AKAP8L: variants seen among roughly 807,000 people sequenced by gnomAD.
AKAP8L encodes the protein A-kinase anchor protein 8-like.
Under a neutral mutation model 77.5 loss-of-function variants are expected in AKAP8L, and 34 were observed. The observed-to-expected ratio is 0.44, with a 90% confidence interval of 0.33 to 0.58. AKAP8L has a LOEUF of 0.58. Among genes scored for constraint, AKAP8L ranks in the 20% least tolerant of loss-of-function variants. The pLI is 0.02. For synonymous variants in AKAP8L, 342 were observed against 340.7 expected, an observed-to-expected ratio of 1.00 and a Z score of -0.04; for missense variants, 806 against 887.6, an observed-to-expected ratio of 0.91 and a Z score of 1.17.
chr19:15,410,430 T>C (rs1323986826), intron 2 of AKAP8L, 90 bp downstream of exon 2: 1 of 1,130,352 alleles, frequency 8.8e-7, no homozygotes, highest in African/African-American at 1.6e-5. Flanking sequence ...TAAAAAAGCA[T>C]GACAGGGTGA....
chr19:15,410,376 ACTAG>A, intron 2 of AKAP8L, 140 bp downstream of exon 2: 1 of 663,872 alleles, frequency 1.5e-6, no homozygotes, highest in Non-Finnish European at 2.6e-6. Context: ...AAAGGGAAGC[ACTAG>A]CTATTCAAAT....
chr19:15,405,305 G>A (rs1305579763), intron 2 of AKAP8L, among the ~76,000 whole-genome samples: 1 of 152,182 alleles, frequency 6.6e-6, no homozygotes, highest in Non-Finnish European at 1.5e-5. Flanking sequence ...AGGTCGAGGC[G>A]GGCGGATCAC....
intron 12 of AKAP8L, among the ~76,000 whole-genome samples, chr19:15,390,057 A>T (rs568726893): frequency 2.6e-5 from 4 of 151,870 alleles, no homozygotes. Flanking sequence ...TTAAAAAAAA[A>T]CCCCAGACTA....
In AKAP8L at chr19:15,397,312, C is replaced by T. The variant is rs765833078; in HGVS notation, c.1406-32G>A. 3 of 1,612,724 alleles carry T rather than the reference C, an allele frequency of 1.9e-6. No individual in the cohort carries two copies. Among genetic ancestry groups the T allele is most frequent in the Non-Finnish European group, 2.5e-6 (3 of 1,179,262 alleles). ...TGGGGAGGAGGGAGTCACCACTGGGCCCAGGTGCCTAAGATAGACCCAGGT... is the reference window on the plus strand; with the variant it reads ...TGGGGAGGAGGGAGTCACCACTGGGTCCAGGTGCCTAAGATAGACCCAGGT... On this transcript the variant is annotated intron_variant, in intron 11 of 13. Transcript: ENST00000397410. This position sits in a 1 kb window ranked among gnomAD's most constrained non-coding sequence, Gnocchi z 4.7.
chr19:15,401,904 C>T lies in AKAP8L; in HGVS notation c.363-301G>A, dbSNP rs1441015165. 1.3e-5 allele frequency among the ~76,000 whole-genome samples: 2 copies of T among 152,208 alleles called. No individual in the cohort carries two copies. The highest frequency in any genetic ancestry group is 3.9e-4 in the East Asian group (2 of 5,184). The stretch of plus-strand genomic sequence containing the variant: ...AACAAGGGGCAGAGCTGCTCCACAG[C>T]CCTTTGGGAACATGTACACCATCTG... On this transcript the variant is annotated intron_variant, in intron 4 of 13. Coordinates refer to ENST00000397410, the MANE Select transcript of AKAP8L (RefSeq NM_014371.4). The surrounding 1 kb of genome is among the most constrained non-coding windows in gnomAD (Gnocchi z 6.2).
At position 15,397,016 on chromosome 19, in the gene AKAP8L, A is replaced by ATTT; in HGVS notation, c.1536+133_1536+134insAAA. ...AGCTGTGCTGCCTGCACTGAGCTGG[A>ATTT]AATGTCCATATCCACCTCCTCCTGC... On this transcript the variant is annotated intron_variant, in intron 12 of 13. Coordinates refer to ENST00000397410, the MANE Select transcript of AKAP8L (RefSeq NM_014371.4). This position sits in a 1 kb window ranked among gnomAD's most constrained non-coding sequence, Gnocchi z 4.7. The ATTT allele has an allele frequency of 3.9e-6, 5 of 1,273,534 alleles. No homozygotes were observed. Among genetic ancestry groups the ATTT allele is most frequent in the Non-Finnish European group, 2.2e-6 (2 of 907,818 alleles). 78.9% of individuals were successfully genotyped at this position (1,273,534 alleles called of 1,614,324 possible). A position where few individuals can be genotyped will look rare whatever the true frequency, so the allele number is the denominator to read the frequency against.
intron 12 of AKAP8L, 67 bp from the exon 13 acceptor site, chr19:15,380,679 TGCCAGCTTAGAGGGACCCCA>T: frequency 6.6e-7 from 1 of 1,525,354 alleles, no homozygotes; most frequent in South Asian, 1.1e-5. Flanking sequence ...GCCCCGACCC[TGCCAGCTTAGAGGGACCCCA>T]CCCCGCCCCT....
chr19:15,389,551 T>C (rs1200686518), intron 12 of AKAP8L, among the ~76,000 whole-genome samples: 1 of 152,004 alleles, frequency 6.6e-6, no homozygotes, highest in East Asian at 1.9e-4. Flanking sequence ...GGCGGGCAGA[T>C]CACGAGGTCA....
rs777632092 is a variant in AKAP8L at position 15,401,274 on chromosome 19, C to A, written c.692G>T (p.Gly231Val). ...LFSQNIIPEY[G>V]MFQGMRGGGA... ...CCCACCTCGCATGCCCTGGAACATG[C>A]CGTACTCGGGGATGATGTTCTGGGA... Residue 231 changes from glycine to valine, a missense_variant, in exon 5 of 14, where the codon GGC (glycine) becomes GTC (valine). This residue lies in a region of AKAP8L where 580 missense variants were observed against 694.1 expected (regional missense o/e 0.84). Transcript: ENST00000397410. The surrounding 1 kb of genome is among the most constrained non-coding windows in gnomAD (Gnocchi z 6.2). 6.2e-7 allele frequency: 1 copy of A among 1,613,816 alleles called. No homozygotes were observed. The highest frequency in any genetic ancestry group is 1.1e-5 in the South Asian group (1 of 91,090).
chr19:15,394,333 T>A (rs1303319952), intron 12 of AKAP8L, among the ~76,000 whole-genome samples: 1 of 152,132 alleles, frequency 6.6e-6, no homozygotes, highest in Non-Finnish European at 1.5e-5. Context: ...GACCACATAT[T>A]ATGTGATTCT....
chr19:15,393,649 G>A lies in AKAP8L; in HGVS notation c.1536+3501C>T, dbSNP rs182148255. On this transcript the variant is annotated intron_variant, in intron 12 of 13. Transcript: ENST00000397410. ...CAAAAAGTCAGAAAATGCCGGGCGC[G>A]GTGGCTCATGCCTGTAATCCCACCA... 5.4e-4 allele frequency among the ~76,000 whole-genome samples: 82 copies of A among 152,212 alleles called. 1 individual carries two copies. The East Asian group carries it at 0.014, about 25-fold the overall frequency.
chr19:15,397,556 T>C lies in AKAP8L; in HGVS notation c.1369A>G (p.Ile457Val). ...RKTVEDLDGL[I>V]QQIYRDQDLT... is the part of the protein sequence containing the mutation. Reference sequence around the variant, plus strand: ...TCCTGGTCTCTGTAGATTTGCTGGATGAGGCCATCAAGGTCCTCCACGGTT... The same window carrying C: ...TCCTGGTCTCTGTAGATTTGCTGGACGAGGCCATCAAGGTCCTCCACGGTT... Residue 457 changes from isoleucine to valine, a missense_variant, in exon 11 of 14, where the codon ATC (isoleucine) becomes GTC (valine). This residue lies in a region of AKAP8L where 580 missense variants were observed against 694.1 expected (regional missense o/e 0.84). Transcript: ENST00000397410. The surrounding 1 kb of genome is among the most constrained non-coding windows in gnomAD (Gnocchi z 4.7). The C allele has an allele frequency of 6.2e-7, 1 of 1,613,836 alleles. No homozygotes were observed. Among genetic ancestry groups the C allele is most frequent in the Non-Finnish European group, 8.5e-7 (1 of 1,179,888 alleles).
chr19:15,409,512 G>A (rs1014150235), intron 2 of AKAP8L, among the ~76,000 whole-genome samples: 1 of 152,168 alleles, frequency 6.6e-6, no homozygotes, highest in Non-Finnish European at 1.5e-5. Context: ...GACCCCTGAA[G>A]GCATGTTAGC....
Position 15,389,597 on chromosome 19 carries a change from C to T in AKAP8L, c.1536+7553G>A, listed in dbSNP as rs555620056. The stretch of plus-strand genomic sequence containing the variant: ...ACCATCCTGGCCAAGATGGTGAAAC[C>T]CCATCTCTACTAAAATACAAAAAAT... On this transcript the variant is annotated intron_variant, in intron 12 of 13. Transcript: ENST00000397410. Among the ~76,000 whole-genome samples the T allele has an allele frequency of 3.9e-5, 6 of 151,916 alleles. No individual in the cohort carries two copies. In the East Asian group the frequency reaches 1.2e-3, roughly 29 times the overall value.
chr19:15,396,978 CCCCTCTCT>C (rs1361044462), intron 12 of AKAP8L, among the ~76,000 whole-genome samples, 164 bp downstream of exon 12: 1 of 152,234 alleles, frequency 6.6e-6, no homozygotes, highest in Non-Finnish European at 1.5e-5. Flanking sequence ...CCATCTCTCA[CCCCTCTCT>C]CTGTAGCTGT....
intron 12 of AKAP8L, among the ~76,000 whole-genome samples, chr19:15,385,602 TTTTA>T (rs1568261410): frequency 2.6e-5 from 4 of 152,072 alleles, no homozygotes; most frequent in South Asian, 2.1e-4. Context: ...TAGCACTTCA[TTTTA>T]TTTATTTTTT....
rs989662555 is a variant in AKAP8L, at chr19:15,398,908, G to A, written c.1157+394C>T. 1.7e-5 allele frequency: 12 copies of A among 709,830 alleles called. No homozygotes were observed. The East Asian group carries it at 3.6e-4, about 21-fold the overall frequency. The allele number at this position is 709,830 out of a possible 1,614,324, so 44.0% of individuals were successfully genotyped here. A position where few individuals can be genotyped will look rare whatever the true frequency, so the allele number is the denominator to read the frequency against. ...TGCTGCCATCTCTCCTGGGCACGGC[G>A]GTGGCCTCTTGGCAGCTAGCTGGGG... On this transcript the variant is annotated intron_variant, in intron 9 of 13. Coordinates refer to ENST00000397410, the MANE Select transcript of AKAP8L (RefSeq NM_014371.4). This position sits in a 1 kb window ranked among gnomAD's most constrained non-coding sequence, Gnocchi z 9.2.
At chr19:15,391,737 A>G (rs1341094978) in intron 12 of AKAP8L, among the ~76,000 whole-genome samples, 1 of 151,650 alleles carries the variant, frequency 6.6e-6, no homozygotes, top group African/African-American at 2.4e-5. Flanking sequence ...ACGGGGTTTC[A>G]CCATGTTAGC....
intron 1 of AKAP8L, among the ~76,000 whole-genome samples, chr19:15,412,689 G>C (rs185343625): frequency 1.3e-5 from 2 of 152,202 alleles, no homozygotes; most frequent in East Asian, 1.9e-4. Context: ...CTACAGGCGC[G>C]TGCCACCATG....
Sources: gnomAD v4.1 joint callset for allele counts (sites outside exome capture counted in the v4.1 genomes callset) on GRCh38, gnomAD v4.1.1 for gene constraint, gnomAD v4.1.1 regional missense constraint, Gnocchi (gnomAD v3.1) non-coding constraint, MANE v1.5 for transcripts, NCBI Gene and HGNC (gene_info 2026-07-23, HGNC 2026-07-21) for gene names.